The following C10orf67 variants were observed in gnomAD, a reference collection of about 807,000 sequenced individuals.
C10orf67 encodes uncharacterized protein C10orf67, mitochondrial.
Under a neutral mutation model 35.6 loss-of-function variants are expected in C10orf67, and 60 were observed. The ratio of observed to expected loss-of-function variants is 1.68; its 90% CI spans 1.37 to 2.09. The LOEUF is 2.09. Ranked by LOEUF, C10orf67 falls within the 30% of genes most tolerant of loss-of-function variation. The pLI is 0.00. For missense variants in C10orf67, 474 were observed against 330.2 expected (o/e 1.44, Z -3.38); for synonymous variants, 167 against 115.8 (o/e 1.44, Z -2.84).
chr10:23,324,575 A>G (rs1369997741), intron 2 of C10orf67, among the ~76,000 whole-genome samples: 1 of 152,224 alleles, frequency 6.6e-6, no homozygotes, highest in African/African-American at 2.4e-5. Flanking sequence ...TTCCTCAAGC[A>G]TGAGTCAAGC....
rs146826860 is a variant in C10orf67, at chr10:23,253,168, T to G, written c.1201-2477A>C. On this transcript the variant is annotated intron_variant, in intron 10 of 15. Transcript: ENST00000636213. Reference sequence around the variant, plus strand: ...CCAGTCTCAGGTATGTCTTTATCAGTGATGTGAAAAGAGACTAATATAGCA... The same window carrying G: ...CCAGTCTCAGGTATGTCTTTATCAGGGATGTGAAAAGAGACTAATATAGCA... Among the ~76,000 whole-genome samples the G allele has an allele frequency of 1.9e-3, 283 of 152,220 alleles. 3 individuals are homozygous for G. Among genetic ancestry groups the G allele is most frequent in the African/African-American group, 6.5e-3 (268 of 41,524 alleles).
At chr10:23,244,673 T>C (rs957917618) in intron 12 of C10orf67, among the ~76,000 whole-genome samples, 5 of 152,140 alleles carry the variant, frequency 3.3e-5, no homozygotes, top group Non-Finnish European at 4.4e-5. Flanking sequence ...TTGAAAACTA[T>C]AAAGCACTGA....
chr10:23,300,920 T>C (rs1844052041), intron 5 of C10orf67, among the ~76,000 whole-genome samples: 1 of 152,228 alleles, frequency 6.6e-6, no homozygotes, highest in Non-Finnish European at 1.5e-5. Flanking sequence ...CATTTGGGGT[T>C]AGTGTCTGAT....
chr10:23,251,952 A>T (rs1164765801), intron 10 of C10orf67, among the ~76,000 whole-genome samples: 1 of 152,194 alleles, frequency 6.6e-6, no homozygotes, highest in Non-Finnish European at 1.5e-5. Flanking sequence ...AATTTAGATA[A>T]TTCAGTATTT....
At chr10:23,314,376 C>T (rs1200239071) in intron 4 of C10orf67, among the ~76,000 whole-genome samples, 1 of 151,888 alleles carries the variant, frequency 6.6e-6, no homozygotes, top group African/African-American at 2.4e-5. Context: ...AATCCCAGCA[C>T]CTTGGGAGGC....
intron 15 of C10orf67, among the ~76,000 whole-genome samples, chr10:23,222,501 C>T (rs926292269): frequency 7.2e-5 from 11 of 151,968 alleles, no homozygotes; most frequent in African/African-American, 2.4e-4. Context: ...CCGGGGTCTC[C>T]AAAAGGAGGG....
chr10:23,314,291 C>T (rs983739302), intron 4 of C10orf67, among the ~76,000 whole-genome samples: 1 of 151,810 alleles, frequency 6.6e-6, no homozygotes, highest in Non-Finnish European at 1.5e-5. Flanking sequence ...TTATCTAGTG[C>T]TGCATAAAAG....
At chr10:23,205,947 CT>C (rs1178791473) in intron 15 of C10orf67, among the ~76,000 whole-genome samples, 1 of 152,150 alleles carries the variant, frequency 6.6e-6, no homozygotes. Flanking sequence ...GAAAGAAACA[CT>C]TCCATGTTTT....
chr10:23,241,474 A>G (rs1415688074), intron 12 of C10orf67, among the ~76,000 whole-genome samples: 2 of 152,206 alleles, frequency 1.3e-5, no homozygotes, highest in Non-Finnish European at 2.9e-5. Flanking sequence ...CAGGATAGGC[A>G]TGATTATTTG....
At chr10:23,260,375 A>G (rs1028240341) in intron 10 of C10orf67, among the ~76,000 whole-genome samples, 18 of 152,136 alleles carry the variant, frequency 1.2e-4, no homozygotes, top group African/African-American at 4.3e-4. Flanking sequence ...TTGCCGGCAG[A>G]CCAAAAGGAA....
chr10:23,299,646 G>A (rs2132277766), intron 5 of C10orf67, among the ~76,000 whole-genome samples: 1 of 152,280 alleles, frequency 6.6e-6, no homozygotes, highest in Non-Finnish European at 1.5e-5. Context: ...CTTGGATAGT[G>A]ACAGATCTGG....
chr10:23,237,792 T>C (rs1012048198), intron 13 of C10orf67, among the ~76,000 whole-genome samples: 12 of 152,178 alleles, frequency 7.9e-5, no homozygotes, highest in African/African-American at 2.7e-4. Flanking sequence ...GGGGGCAATG[T>C]ATTGTCTGCA....
intron 12 of C10orf67, among the ~76,000 whole-genome samples, chr10:23,243,760 TA>T (rs1477029656): frequency 2.0e-5 from 3 of 151,184 alleles, no homozygotes; most frequent in Admixed American, 2.0e-4. Flanking sequence ...GCTTGAACCA[TA>T]AAACAAACAT....
intron 12 of C10orf67, among the ~76,000 whole-genome samples, chr10:23,240,895 C>A (rs375464830): frequency 6.6e-6 from 1 of 152,150 alleles, no homozygotes; most frequent in South Asian, 2.1e-4. Flanking sequence ...ACAACACTGC[C>A]AGATTGCACT....
chr10:23,323,154 G>A (rs750481393), intron 2 of C10orf67, among the ~76,000 whole-genome samples: 18 of 152,160 alleles, frequency 1.2e-4, no homozygotes, highest in African/African-American at 4.3e-4. Flanking sequence ...TATTGGCCTT[G>A]TCATACCTCA....
chr10:23,339,047 C>T (rs375398270), intron 1 of C10orf67, among the ~76,000 whole-genome samples: 122 of 152,264 alleles, frequency 8.0e-4, no homozygotes, highest in African/African-American at 2.9e-3. Context: ...CACTCTTATG[C>T]CTCATAACTC....
At chr10:23,286,530 T>TGGGAAGGGAAGGAAGGGA (rs1285966626) in intron 7 of C10orf67, among the ~76,000 whole-genome samples, 9 of 20,384 alleles carry the variant, frequency 4.4e-4, no homozygotes, top group Non-Finnish European at 6.9e-4. Flanking sequence ...GAAGGAAGGG[T>TGGGAAGGGAAGGAAGGGA]GGGAAGGGAA....
chr10:23,262,571 A>T (rs1480911593), intron 10 of C10orf67, among the ~76,000 whole-genome samples: 1 of 152,200 alleles, frequency 6.6e-6, no homozygotes, highest in Non-Finnish European at 1.5e-5. Context: ...AGTTTACATT[A>T]CGCTCAAACC....
chr10:23,323,576 C>T lies in C10orf67; in HGVS notation c.328-1039G>A, dbSNP rs1263033069. ...TGACTTCTCTATTCATTCATGGGAA[C>T]ATAGTCCTACATCGCTACAAATACA... On this transcript the variant is annotated intron_variant, in intron 2 of 15. Transcript: ENST00000636213. Among the ~76,000 whole-genome samples the T allele has an allele frequency of 2.6e-5, 4 of 152,082 alleles. No individual in the cohort carries two copies. In the East Asian group the frequency reaches 5.8e-4, roughly 22 times the overall value.
Sources: allele counts gnomAD v4.1 joint callset (sites outside exome capture counted in the v4.1 genomes callset), GRCh38; gene constraint gnomAD v4.1.1; transcripts MANE v1.5; gene names NCBI Gene and HGNC (gene_info 2026-07-23, HGNC 2026-07-21).